The following HSDL2 variants were observed in gnomAD, a reference collection of about 807,000 sequenced individuals.
The protein encoded by HSDL2 is hydroxysteroid dehydrogenase like 2.
In HSDL2, 27 loss-of-function variants were observed where a neutral mutation model predicts 46.3. That is an observed-to-expected ratio of 0.58 (90% CI 0.43 to 0.80). HSDL2 has a LOEUF of 0.80. Among genes scored for constraint, HSDL2 ranks in the 30% least tolerant of loss-of-function variants. The pLI is 0.00. For missense variants in HSDL2, 451 were observed against 502.7 expected (o/e 0.90, Z 0.98); for synonymous variants, 153 against 163.6 (o/e 0.94, Z 0.50).
In HSDL2 at chr9:112,410,304, A is replaced by C. The variant is rs576957289; in HGVS notation, c.395+1283A>C. On this transcript the variant is annotated intron_variant, in intron 4 of 10. Coordinates refer to ENST00000398805, the MANE Select transcript of HSDL2 (RefSeq NM_032303.5). ...GTTAGAACTTGCTTCTGTACCTTAC[A>C]TGTATCTTGTTAACACACAGAATAG... Among the ~76,000 whole-genome samples the C allele has an allele frequency of 7.3e-4, 111 of 152,332 alleles. 1 individual carries two copies. Among genetic ancestry groups the C allele is most frequent in the Non-Finnish European group, 1.5e-3 (99 of 68,024 alleles).
intron 1 of HSDL2, among the ~76,000 whole-genome samples, chr9:112,397,413 T>C (rs72757495): frequency 0.48 from 72,579 of 152,030 alleles, 17,739 homozygotes; most frequent in Admixed American, 0.55. Context: ...ACCTTGAGCG[T>C]GCTCATCAGA....
At chr9:112,445,734 G>T (rs1401903746) in intron 8 of HSDL2, among the ~76,000 whole-genome samples, 2 of 152,098 alleles carry the variant, frequency 1.3e-5, no homozygotes, top group Non-Finnish European at 1.5e-5. Context: ...ACATTAGCCA[G>T]TCTGGTCTCA....
At chr9:112,423,113 G>C (rs1326726011) in intron 6 of HSDL2, among the ~76,000 whole-genome samples, 2 of 152,148 alleles carry the variant, frequency 1.3e-5, no homozygotes. Flanking sequence ...AAAGAGGAGA[G>C]AAAATAATGG....
At chr9:112,449,525 T>TTAAATAAAAGTCAGC in intron 8 of HSDL2, among the ~76,000 whole-genome samples, 1 of 152,152 alleles carries the variant, frequency 6.6e-6, no homozygotes, top group African/African-American at 2.4e-5. Flanking sequence ...TTTCTGATTA[T>TTAAATAAAAGTCAGC]CTTTTTAATA....
At chr9:112,407,371 A>G (rs1831754576) in intron 3 of HSDL2, among the ~76,000 whole-genome samples, 1 of 152,182 alleles carries the variant, frequency 6.6e-6, no homozygotes. Flanking sequence ...ACGTAAGGGG[A>G]GAAAGCTGAA....
At chr9:112,415,893 AG>A (rs1331771051) in intron 4 of HSDL2, among the ~76,000 whole-genome samples, 1 of 152,150 alleles carries the variant, frequency 6.6e-6, no homozygotes, top group Non-Finnish European at 1.5e-5. Context: ...GTGGATCACG[AG>A]GTCAGGAGTC....
At position 112,454,127 on chromosome 9, in the gene HSDL2, A is replaced by C. The variant is rs758368316; in HGVS notation, c.980A>C (p.Lys327Thr). The change falls in exon 9 of 11, where the codon AAA becomes ACA. Residue 327 changes from lysine to threonine, a missense_variant. By Grantham distance (78) the Lys-to-Thr change is moderately conservative (BLOSUM62 -1). Coordinates refer to ENST00000398805, the MANE Select transcript of HSDL2 (RefSeq NM_032303.5). ...VKDSLSDDVV[K>T]ATQAIYLFEL... ...GACTCTCTCAGTGATGATGTTGTTA[A>C]AGCCACTCAAGCAATCTATCTGTTT... 2 of 1,614,000 alleles carry C rather than the reference A, an allele frequency of 1.2e-6. No individual in the cohort carries two copies. Among genetic ancestry groups the C allele is most frequent in the East Asian group, 2.2e-5 (1 of 44,884 alleles).
chr9:112,470,346 A>G (rs1833538797), intron 10 of HSDL2, 86 bp from the exon 11 acceptor site: 2 of 743,934 alleles, frequency 2.7e-6, no homozygotes, highest in Admixed American at 5.2e-5. Context: ...ACTCAAGGAG[A>G]TTCTTTTTAC....
chr9:112,392,562 T>C (rs1335802795), intron 1 of HSDL2, among the ~76,000 whole-genome samples: 5 of 152,282 alleles, frequency 3.3e-5, no homozygotes, highest in East Asian at 1.9e-4. Context: ...TAATATTCCT[T>C]GCTAGGAAAA....
chr9:112,421,593 G>A (rs1832126216), intron 6 of HSDL2, among the ~76,000 whole-genome samples: 1 of 152,046 alleles, frequency 6.6e-6, no homozygotes, highest in Admixed American at 6.6e-5. Context: ...TGGAAAGGGG[G>A]TTTAGCCATG....
chr9:112,455,179 A>C (rs1832986646), intron 9 of HSDL2, among the ~76,000 whole-genome samples: 1 of 152,014 alleles, frequency 6.6e-6, no homozygotes, highest in Non-Finnish European at 1.5e-5. Flanking sequence ...ACTGTAGTAC[A>C]CTGCGATCGC....
chr9:112,410,096 T>G (rs188569171), intron 4 of HSDL2, among the ~76,000 whole-genome samples: 47 of 152,296 alleles, frequency 3.1e-4, no homozygotes, highest in African/African-American at 1.0e-3. Flanking sequence ...CACACTTTAT[T>G]GTAACCAATA....
At chr9:112,470,203 T>C (rs916129175) in intron 10 of HSDL2, among the ~76,000 whole-genome samples, 1 of 152,244 alleles carries the variant, frequency 6.6e-6, no homozygotes, top group African/African-American at 2.4e-5. Flanking sequence ...TTTGCTATAA[T>C]CTTTTGCTGA....
chr9:112,438,247 TAAAAACAA>T (rs1224437518), intron 6 of HSDL2, among the ~76,000 whole-genome samples, 176 bp from the exon 7 acceptor site: 3 of 151,856 alleles, frequency 2.0e-5, no homozygotes, highest in Non-Finnish European at 4.4e-5. Flanking sequence ...AAAACAAAAA[TAAAAACAA>T]AAAAACAAAA....
At chr9:112,444,629 T>C (rs1832709138) in intron 8 of HSDL2, among the ~76,000 whole-genome samples, 1 of 152,018 alleles carries the variant, frequency 6.6e-6, no homozygotes, top group Non-Finnish European at 1.5e-5. Flanking sequence ...TCCCAGCTAC[T>C]TGGGAGGCTG....
intron 6 of HSDL2, among the ~76,000 whole-genome samples, chr9:112,426,142 T>C (rs1039077032): frequency 1.3e-5 from 2 of 152,180 alleles, no homozygotes; most frequent in Non-Finnish European, 2.9e-5. Context: ...CACCCCCATC[T>C]GGCTGTGATA....
chr9:112,456,655 G>A (rs913989084), intron 9 of HSDL2, among the ~76,000 whole-genome samples: 3 of 152,100 alleles, frequency 2.0e-5, no homozygotes, highest in Non-Finnish European at 2.9e-5. Flanking sequence ...CATAGGAACC[G>A]ACTGATTATG....
chr9:112,453,909 A>G, intron 8 of HSDL2, 104 bp from the exon 9 acceptor site: 1 of 1,113,592 alleles, frequency 9.0e-7, no homozygotes, highest in Non-Finnish European at 1.3e-6. Context: ...ATTTTGGTCA[A>G]ATAGGTCTAA....
intron 6 of HSDL2, among the ~76,000 whole-genome samples, chr9:112,420,007 G>T (rs1244053894): frequency 6.6e-6 from 1 of 152,110 alleles, no homozygotes; most frequent in Non-Finnish European, 1.5e-5. Context: ...TGTACTAGTG[G>T]GTAATGCCCA....
Sources: allele counts gnomAD v4.1 joint callset (sites outside exome capture counted in the v4.1 genomes callset), GRCh38; gene constraint gnomAD v4.1.1; transcripts MANE v1.5; gene names NCBI Gene and HGNC (gene_info 2026-07-23, HGNC 2026-07-21).